The following CLSTN2 variants were observed in gnomAD, a reference collection of about 807,000 sequenced individuals.
CLSTN2 encodes the protein calsyntenin-2.
A neutral mutation model predicts 101.2 loss-of-function variants in CLSTN2; 48 were observed. The ratio of observed to expected loss-of-function variants is 0.47; its 90% confidence interval spans 0.38 to 0.60. The LOEUF (loss-of-function observed/expected upper bound fraction) is 0.60. Among genes scored for constraint, CLSTN2 ranks in the 20% least tolerant of loss-of-function variants. The probability of loss-of-function intolerance (pLI) is 0.00; values close to 1 mark genes in which losing one functional copy is unlikely to be tolerated. For missense variants in CLSTN2, 1,160 were observed against 1,238.2 expected (o/e 0.94, Z 0.95); for synonymous variants, 481 against 463.6 (o/e 1.04, Z -0.48).
intron 8 of CLSTN2, among the ~76,000 whole-genome samples, chr3:140,525,415 G>A (rs2107775842): frequency 6.6e-6 from 1 of 152,244 alleles, no homozygotes; most frequent in Admixed American, 6.5e-5. Flanking sequence ...AACCTGAACA[G>A]ACAAATAATG....
chr3:140,480,884 C>T (rs960864267), intron 8 of CLSTN2, among the ~76,000 whole-genome samples: 1 of 152,132 alleles, frequency 6.6e-6, no homozygotes, highest in Non-Finnish European at 1.5e-5. Context: ...AATTTTCTCC[C>T]ATTCTGTAGG....
chr3:140,173,898 T>C (rs1399775824), intron 1 of CLSTN2, among the ~76,000 whole-genome samples: 2 of 152,136 alleles, frequency 1.3e-5, no homozygotes, highest in Non-Finnish European at 2.9e-5. Context: ...AGGCCTCAGG[T>C]CCTATGATGG....
intron 10 of CLSTN2, among the ~76,000 whole-genome samples, chr3:140,550,849 T>C (rs1212635412): frequency 1.3e-5 from 2 of 149,556 alleles, no homozygotes; most frequent in East Asian, 1.9e-4. Context: ...AGCTTGGTTA[T>C]AAAGGCTTGG....
intron 1 of CLSTN2, among the ~76,000 whole-genome samples, chr3:139,959,569 C>A (rs1473809847): frequency 6.6e-6 from 1 of 152,120 alleles, no homozygotes; most frequent in African/African-American, 2.4e-5. Flanking sequence ...GACAGTGACG[C>A]TATCCCCATT....
intron 1 of CLSTN2, among the ~76,000 whole-genome samples, chr3:139,967,474 G>A (rs1424836435): frequency 1.3e-5 from 2 of 152,188 alleles, no homozygotes; most frequent in African/African-American, 2.4e-5. Flanking sequence ...AGAAAGGACA[G>A]CCAGGGAATG....
intron 2 of CLSTN2, among the ~76,000 whole-genome samples, chr3:140,340,506 A>T (rs1231748040): frequency 6.6e-6 from 1 of 152,120 alleles, no homozygotes; most frequent in Non-Finnish European, 1.5e-5. Flanking sequence ...ATTATGAATG[A>T]TTTTTCCTTT....
intron 8 of CLSTN2, 85 bp downstream of exon 8, chr3:140,466,816 C>T: frequency 6.4e-7 from 1 of 1,571,212 alleles, no homozygotes. Context: ...AGTGGGGAGG[C>T]ACTGCAAGGT....
At chr3:140,512,144 T>A (rs1179425181) in intron 8 of CLSTN2, among the ~76,000 whole-genome samples, 2 of 152,190 alleles carry the variant, frequency 1.3e-5, no homozygotes, top group African/African-American at 4.8e-5. Flanking sequence ...TTTAATTAGA[T>A]CTCATTTGTC....
At chr3:140,154,565 A>G (rs1455297925) in intron 1 of CLSTN2, among the ~76,000 whole-genome samples, 3 of 151,828 alleles carry the variant, frequency 2.0e-5, no homozygotes, top group African/African-American at 7.3e-5. Flanking sequence ...GAAACTTACC[A>G]TCATGGCAGA....
chr3:140,077,311 G>A (rs899486246), intron 1 of CLSTN2, among the ~76,000 whole-genome samples: 3 of 152,026 alleles, frequency 2.0e-5, no homozygotes, highest in Non-Finnish European at 4.4e-5. Context: ...TCTTTGCCAG[G>A]TTACCCCTCT....
At chr3:139,954,881 A>G (rs1365383252) in intron 1 of CLSTN2, among the ~76,000 whole-genome samples, 1 of 151,942 alleles carries the variant, frequency 6.6e-6, no homozygotes, top group Admixed American at 6.6e-5. Context: ...TAAGAGACTT[A>G]GTGCACCGAG....
At chr3:140,394,209 G>C (rs114096743) in intron 2 of CLSTN2, among the ~76,000 whole-genome samples, 1 of 83,070 alleles carries the variant, frequency 1.2e-5, no homozygotes, top group African/African-American at 3.1e-5. Flanking sequence ...TCTGATTGTC[G>C]TATGATGACC....
chr3:140,234,596 C>G (rs1576477476), intron 2 of CLSTN2, among the ~76,000 whole-genome samples: 1 of 152,212 alleles, frequency 6.6e-6, no homozygotes, highest in East Asian at 1.9e-4. Flanking sequence ...TCTTATTTGC[C>G]TGTGTGCTGG....
At chr3:140,467,506 G>A (rs1296100867) in intron 8 of CLSTN2, among the ~76,000 whole-genome samples, 2 of 152,170 alleles carry the variant, frequency 1.3e-5, no homozygotes, top group Non-Finnish European at 2.9e-5. Flanking sequence ...GTCAGAAAAT[G>A]GGATTAAGGA....
chr3:140,522,227 A>C (rs546969474), intron 8 of CLSTN2, among the ~76,000 whole-genome samples: 1 of 152,260 alleles, frequency 6.6e-6, no homozygotes, highest in African/African-American at 2.4e-5. Flanking sequence ...AGTCAGTCCC[A>C]ATGTGAGAGT....
At position 140,427,801 on chromosome 3, in the gene CLSTN2, C is replaced by A. The variant is rs527913013; in HGVS notation, c.787+6527C>A. 4.5e-4 allele frequency among the ~76,000 whole-genome samples: 69 copies of A among 152,222 alleles called. No homozygotes were observed. In the South Asian group the frequency reaches 0.011, roughly 24 times the overall value. On this transcript the variant is annotated intron_variant, in intron 5 of 16. Transcript: ENST00000458420. The stretch of plus-strand genomic sequence containing the variant: ...TTGGGGAATGGGTGGTGTTTGGTTA[C>A]ATGAGTAAGTTCTTGAGTTGCGATT...
intron 1 of CLSTN2, among the ~76,000 whole-genome samples, chr3:139,971,571 G>A (rs1560057890): frequency 1.3e-5 from 2 of 152,176 alleles, no homozygotes; most frequent in Non-Finnish European, 2.9e-5. Context: ...AGAAAGGGGA[G>A]CGGTTCCCCA....
rs1985626382 is a variant in CLSTN2 at position 140,573,407 on chromosome 3, C to T, written c.*7154C>T. 1 of 152,202 alleles carries T rather than the reference C, an allele frequency of 6.6e-6. No homozygotes were observed. Among genetic ancestry groups the T allele is most frequent in the Non-Finnish European group, 1.5e-5 (1 of 68,042 alleles). The allele number at this position is 152,202 out of a possible 1,614,324, so 9.4% of individuals were successfully genotyped here. On this transcript the variant is annotated 3_prime_UTR_variant, in exon 17 of 17. Transcript: ENST00000458420. Reference sequence around the variant, plus strand: ...AAACAAAAATCCAAAAACAAACCTACAGCCTCATTTACAATTAGAATCTGT... The same window carrying T: ...AAACAAAAATCCAAAAACAAACCTATAGCCTCATTTACAATTAGAATCTGT...
At chr3:140,124,165 G>A (rs913031365) in intron 1 of CLSTN2, among the ~76,000 whole-genome samples, 2 of 152,242 alleles carry the variant, frequency 1.3e-5, no homozygotes, top group East Asian at 1.9e-4. Context: ...GAGAGGAAAA[G>A]CACATGCAAA....
Sources: allele counts gnomAD v4.1 joint callset (sites outside exome capture counted in the v4.1 genomes callset), GRCh38; gene constraint gnomAD v4.1.1; transcripts MANE v1.5; gene names NCBI Gene and HGNC (gene_info 2026-07-23, HGNC 2026-07-21).